The following ANO1 variants were observed in gnomAD, a reference collection of about 807,000 sequenced individuals.
ANO1 encodes the protein anoctamin 1.
Under a neutral mutation model 124.0 loss-of-function variants are expected in ANO1, and 59 were observed. The ratio of observed to expected loss-of-function variants is 0.48; its 90% CI spans 0.39 to 0.59. The LOEUF (loss-of-function observed/expected upper bound fraction) is 0.59, where lower values mean the gene tolerates loss of function less well. Among genes scored for constraint, ANO1 ranks in the 20% least tolerant of loss-of-function variants. The pLI is 0.00. For missense variants in ANO1, 1,059 were observed against 1,328.0 expected, an observed-to-expected ratio of 0.80 and a Z score of 3.15; for synonymous variants, 529 against 532.0, an observed-to-expected ratio of 0.99 and a Z score of 0.08.
At chr11:70,010,179 G>GTGTGTATATA in intron 1 of ANO1, among the ~76,000 whole-genome samples, 1 of 83,776 alleles carries the variant, frequency 1.2e-5, no homozygotes, top group African/African-American at 4.7e-5. Flanking sequence ...GTGTGTGTGT[G>GTGTGTATATA]TATATATATA....
intron 1 of ANO1, among the ~76,000 whole-genome samples, chr11:70,034,018 G>C (rs544799899): frequency 3.6e-4 from 54 of 152,076 alleles, no homozygotes; most frequent in Non-Finnish European, 7.2e-4. Context: ...TTCCTTGAGG[G>C]CAAGCATCCC....
At chr11:70,051,877 C>T (rs1555006292) in intron 1 of ANO1, among the ~76,000 whole-genome samples, 1 of 152,196 alleles carries the variant, frequency 6.6e-6, no homozygotes, top group Non-Finnish European at 1.5e-5. Context: ...TTTTGATCAA[C>T]AGAGTTTCTA....
At chr11:69,987,806 A>G (rs920088879) in intron 1 of ANO1, among the ~76,000 whole-genome samples, 1 of 152,080 alleles carries the variant, frequency 6.6e-6, no homozygotes, top group Admixed American at 6.6e-5. Flanking sequence ...TAGGCTTTAC[A>G]TTTGGGCATG....
intron 1 of ANO1, among the ~76,000 whole-genome samples, chr11:69,997,828 C>T (rs1554998645): frequency 6.6e-6 from 1 of 151,998 alleles, no homozygotes; most frequent in Non-Finnish European, 1.5e-5. Flanking sequence ...GCCTGTGAGA[C>T]GTCTGCTCCC....
intron 2 of ANO1, among the ~76,000 whole-genome samples, chr11:70,092,399 G>A (rs1286744882): frequency 1.3e-5 from 2 of 152,206 alleles, no homozygotes; most frequent in African/African-American, 2.4e-5. Flanking sequence ...TCCTGGAGTT[G>A]GCTGCCTTGG....
intron 22 of ANO1, 116 bp downstream of exon 22, chr11:70,171,155 C>T (rs1209060018): frequency 1.4e-6 from 2 of 1,388,928 alleles, no homozygotes; most frequent in Admixed American, 2.2e-5. Flanking sequence ...TCCTGGGGCT[C>T]TTCACTCAGC....
At chr11:70,168,981 C>T (rs2048356308) in intron 21 of ANO1, among the ~76,000 whole-genome samples, 1 of 152,176 alleles carries the variant, frequency 6.6e-6, no homozygotes, top group African/African-American at 2.4e-5. Context: ...CAAGCTGAAC[C>T]AGGGTCAGGC....
intron 1 of ANO1, among the ~76,000 whole-genome samples, chr11:70,050,722 A>T (rs1857338969): frequency 6.6e-6 from 1 of 152,192 alleles, no homozygotes; most frequent in South Asian, 2.1e-4. Context: ...TAGTTAAATT[A>T]AAAGGCAGAA....
At chr11:70,140,534 G>T (rs61885496) in intron 11 of ANO1, among the ~76,000 whole-genome samples, 1 of 149,864 alleles carries the variant, frequency 6.7e-6, no homozygotes, top group African/African-American at 2.5e-5. Flanking sequence ...TCTGTCTCAA[G>T]GAAAAAAAAA....
At chr11:70,143,022 G>C (rs770552275) in intron 11 of ANO1, among the ~76,000 whole-genome samples, 1 of 152,174 alleles carries the variant, frequency 6.6e-6, no homozygotes, top group East Asian at 1.9e-4. Context: ...CCAGAGCAGG[G>C]GGTCACATTT....
chr11:69,990,850 G>C (rs1273618659), intron 1 of ANO1, among the ~76,000 whole-genome samples: 1 of 152,126 alleles, frequency 6.6e-6, no homozygotes, highest in Non-Finnish European at 1.5e-5. Flanking sequence ...AGTTTTTATA[G>C]AGCTTGGATA....
intron 11 of ANO1, among the ~76,000 whole-genome samples, chr11:70,134,156 C>A (rs1471956745): frequency 3.3e-5 from 5 of 152,232 alleles, no homozygotes; most frequent in African/African-American, 1.2e-4. Context: ...GCCCCACCCG[C>A]TGTGTGCGCA....
chr11:70,182,361 G>A (rs897327259), intron 23 of ANO1, 141 bp from the exon 24 acceptor site: 22 of 608,004 alleles, frequency 3.6e-5, no homozygotes, highest in Non-Finnish European at 1.6e-5. Flanking sequence ...AGCATGCCGA[G>A]GCTGTGCGGC....
intron 1 of ANO1, among the ~76,000 whole-genome samples, chr11:70,004,232 T>C (rs1856441205): frequency 6.6e-6 from 1 of 152,224 alleles, no homozygotes; most frequent in Non-Finnish European, 1.5e-5. Context: ...GCATCTGGTC[T>C]GTGCTAGACG....
In ANO1 at chr11:70,161,264, G is replaced by A. The variant is rs763424037; in HGVS notation, c.1682G>A (p.Arg561Gln). Residue 561 changes from arginine (R) to glutamine (Q), a missense_variant, in exon 17 of 26, where the codon CGG becomes CAG. By Grantham distance (43) the Arg-to-Gln change is conservative. This residue lies in a region of ANO1 where 809 missense variants were observed against 1,094.9 expected (regional missense o/e 0.74). Transcript: ENST00000355303. ...TCCCCCTCCGTGCGGTCCAACATCCGGGTCACAGTCACAGCCACCGCAGTC... is the reference window on the plus strand; with the variant it reads ...TCCCCCTCCGTGCGGTCCAACATCCAGGTCACAGTCACAGCCACCGCAGTC... ...NSSPSVRSNI[R>Q]VTVTATAVII... is the part of the protein sequence containing the mutation. 8 of 1,613,742 alleles carry A rather than the reference G, an allele frequency of 5.0e-6. No homozygotes were observed. The highest frequency in any genetic ancestry group is 2.2e-5 in the South Asian group (2 of 91,078).
chr11:70,084,775 C>T (rs1385558076), intron 1 of ANO1, among the ~76,000 whole-genome samples: 1 of 152,210 alleles, frequency 6.6e-6, no homozygotes, highest in Non-Finnish European at 1.5e-5. Context: ...AACCACTGCC[C>T]CAGGCTGGGA....
chr11:70,054,944 G>A (rs1857410787), intron 1 of ANO1, among the ~76,000 whole-genome samples: 1 of 152,034 alleles, frequency 6.6e-6, no homozygotes, highest in Non-Finnish European at 1.5e-5. Context: ...ATACGATATG[G>A]GATATCATAT....
At chr11:69,976,748 G>A in the ANO1 span, among the ~76,000 whole-genome samples, 3 of 152,174 alleles carry the variant, frequency 2.0e-5, no homozygotes, top group African/African-American at 7.2e-5. Flanking sequence ...TCTATCTGTA[G>A]CATCTGCTAT....
chr11:70,118,197 C>T (rs1223469884), intron 8 of ANO1, among the ~76,000 whole-genome samples: 1 of 151,054 alleles, frequency 6.6e-6, no homozygotes, highest in Non-Finnish European at 1.5e-5. Context: ...ACCCCCTCTT[C>T]CCCCTCCTCC....
Sources: gnomAD v4.1 joint callset for allele counts (sites outside exome capture counted in the v4.1 genomes callset) on GRCh38, gnomAD v4.1.1 for gene constraint, gnomAD v4.1.1 regional missense constraint, MANE v1.5 for transcripts, NCBI Gene and HGNC (gene_info 2026-07-23, HGNC 2026-07-21) for gene names.